Variants in CDH23 observed in about 807,000 individuals in gnomAD.
CDH23 encodes cadherin-23.
Under a neutral mutation model 317.1 loss-of-function variants are expected in CDH23, and 189 were observed. The ratio of observed to expected loss-of-function variants is 0.60; its 90% CI spans 0.53 to 0.67. CDH23 has a LOEUF of 0.67. Among genes scored for constraint, CDH23 ranks in the 30% least tolerant of loss-of-function variants. CDH23 has a pLI of 0.00. For missense variants in CDH23, 4,401 were observed against 4,592.4 expected (o/e 0.96, Z 1.20); for synonymous variants, 1,839 against 1,876.8 (o/e 0.98, Z 0.52).
rs1865606916 is a variant in CDH23 at position 71,702,019 on chromosome 10, C to T, written c.2398-3C>T. The T allele has an allele frequency of 6.2e-7, 1 of 1,613,462 alleles. No homozygotes were observed. The highest frequency in any genetic ancestry group is 8.5e-7 in the Non-Finnish European group (1 of 1,179,822). On this transcript the variant is annotated splice_region_variant and splice_polypyrimidine_tract_variant and intron_variant, in intron 22 of 69. Coordinates refer to ENST00000224721, the MANE Select transcript of CDH23 (RefSeq NM_022124.6). The stretch of plus-strand genomic sequence containing the variant: ...GTGAAGGGGTCTGCTCCCTCCCGGG[C>T]AGGTGGTGGCTGTTGACCCAGACCT...
At chr10:71,566,248 C>G (rs574043995) in intron 6 of CDH23, among the ~76,000 whole-genome samples, 4 of 152,252 alleles carry the variant, frequency 2.6e-5, no homozygotes, top group African/African-American at 9.6e-5. Flanking sequence ...TCCACAAACC[C>G]AGGAAGAACC....
chr10:71,728,133 G>A (rs1866897343), intron 30 of CDH23, among the ~76,000 whole-genome samples: 1 of 152,120 alleles, frequency 6.6e-6, no homozygotes, highest in Non-Finnish European at 1.5e-5. Context: ...TTTTGCAAGA[G>A]GAGTGGTTAG....
chr10:71,741,065 T>C (rs1269614266), intron 37 of CDH23, 115 bp downstream of exon 37: 7 of 1,231,160 alleles, frequency 5.7e-6, no homozygotes, highest in African/African-American at 4.5e-5. Context: ...TCAGATCTCA[T>C]GGATGGGAAC....
Position 71,803,270 on chromosome 10 carries a change from C to A in CDH23, c.7722C>A (p.Tyr2574Ter). The change falls in exon 55 of 70, where the codon TAC becomes TAA. Residue 2574 changes from tyrosine to a stop codon, truncating the protein, a stop_gained. Coordinates refer to ENST00000224721, the MANE Select transcript of CDH23 (RefSeq NM_022124.6). LOFTEE classifies it high-confidence loss of function. ...CCACACAGCGGCCACTGCAGTCCTA[C>A]GAGAAGTTCAGTCTGACCGTGGTGG... ...LVTTQRPLQS[Y>*]EKFSLTVVAT... is the part of the protein sequence containing the mutation. 6.3e-7 allele frequency: 1 copy of A among 1,593,290 alleles called. No individual in the cohort carries two copies. The highest frequency in any genetic ancestry group is 8.6e-7 in the Non-Finnish European group (1 of 1,169,408).
At chr10:71,515,394 T>TCTCTCACACA (rs1491490493) in intron 6 of CDH23, among the ~76,000 whole-genome samples, 15 of 26,700 alleles carry the variant, frequency 5.6e-4, no homozygotes, top group African/African-American at 1.2e-3. Context: ...TCTCTCTCTC[T>TCTCTCACACA]CACACACACA....
chr10:71,504,498 G>A (rs1472550135), intron 3 of CDH23, among the ~76,000 whole-genome samples: 1 of 152,170 alleles, frequency 6.6e-6, no homozygotes, highest in African/African-American at 2.4e-5. Flanking sequence ...CTTGGCTATT[G>A]CAAAGAATGC....
intron 3 of CDH23, among the ~76,000 whole-genome samples, chr10:71,502,552 G>A (rs1853395832): frequency 6.6e-6 from 1 of 152,214 alleles, no homozygotes; most frequent in African/African-American, 2.4e-5. Flanking sequence ...ATGGCCTCTT[G>A]CCTGCTGTGC....
chr10:71,590,221 C>A (rs1173017149), intron 9 of CDH23, among the ~76,000 whole-genome samples: 1 of 152,212 alleles, frequency 6.6e-6, no homozygotes, highest in African/African-American at 2.4e-5. Context: ...GACCAATATC[C>A]TGGAAACAGA....
At chr10:71,403,405 T>C (rs71507047) in intron 1 of CDH23, among the ~76,000 whole-genome samples, 4 of 73,944 alleles carry the variant, frequency 5.4e-5, no homozygotes, top group East Asian at 4.3e-4. Context: ...CTTTCTTTCT[T>C]TCTCTTCCTT....
At position 71,519,837 on chromosome 10, in the gene CDH23, G is replaced by A. The variant is rs191238771; in HGVS notation, c.429+8625G>A. 1.4e-3 allele frequency among the ~76,000 whole-genome samples: 215 copies of A among 150,084 alleles called. 1 individual carries two copies. Among genetic ancestry groups the A allele is most frequent in the Non-Finnish European group, 2.2e-3 (148 of 67,676 alleles). The stretch of plus-strand genomic sequence containing the variant: ...CTCACTCTGTCACCCAGGCTGGAGT[G>A]CAGTGGCATGGTGTGATCACAGCTC... On this transcript the variant is annotated intron_variant, in intron 6 of 69. Transcript: ENST00000224721.
At chr10:71,461,040 G>T (rs1850954890) in intron 3 of CDH23, among the ~76,000 whole-genome samples, 1 of 152,214 alleles carries the variant, frequency 6.6e-6, no homozygotes. Flanking sequence ...ACACACAGAG[G>T]CATGAGGCCA....
At chr10:71,796,795 G>T (rs969566505) in intron 48 of CDH23, 11 of 292,804 alleles carry the variant, frequency 3.8e-5, no homozygotes, top group African/African-American at 1.5e-4. Context: ...AAATAGTAGG[G>T]TATTGAGAAA....
intron 47 of CDH23, among the ~76,000 whole-genome samples, chr10:71,791,870 C>G (rs554089501): frequency 6.6e-6 from 1 of 152,328 alleles, no homozygotes; most frequent in African/African-American, 2.4e-5. Flanking sequence ...GCCACCACGC[C>G]TGGCCTACAA....
chr10:71,518,262 G>A (rs1292879294), intron 6 of CDH23, among the ~76,000 whole-genome samples: 1 of 152,184 alleles, frequency 6.6e-6, no homozygotes, highest in African/African-American at 2.4e-5. Context: ...AGATAGACCT[G>A]CAGCATGTTC....
chr10:71,601,989 G>T lies in CDH23; in HGVS notation c.833-13515G>T, dbSNP rs1040088648. Among the ~76,000 whole-genome samples the T allele has an allele frequency of 2.0e-5, 3 of 152,130 alleles. No individual in the cohort carries two copies. In the East Asian group the frequency reaches 5.8e-4, roughly 30 times the overall value. ...GGGGGGGGCTCTGCAGCCCCCAGGG[G>T]ACCCCTCAAGGTCGGTCATTCGGGC... On this transcript the variant is annotated intron_variant, in intron 9 of 69. Transcript: ENST00000224721.
At chr10:71,532,711 G>GTTTTTTTTT (rs531593760) in intron 6 of CDH23, among the ~76,000 whole-genome samples, 3 of 128,096 alleles carry the variant, frequency 2.3e-5, no homozygotes, top group Non-Finnish European at 5.3e-5. Context: ...TTTTGTTTTT[G>GTTTTTTTTT]TTTTTTTTTT....
At chr10:71,731,720 C>T (rs531247980) in intron 31 of CDH23, among the ~76,000 whole-genome samples, 168 of 152,274 alleles carry the variant, frequency 1.1e-3, no homozygotes, top group African/African-American at 3.8e-3. Context: ...TTTGAGGCTC[C>T]AGGAGCAGAC....
chr10:71,569,453 G>C lies in CDH23; in HGVS notation c.625-1337G>C, dbSNP rs16929061. ...TCAAATCTTAGCTCAGAGAATGTTC[G>C]AGCCTGAGGGGCCTTAGAAGTCATT... is the stretch of plus-strand genomic sequence containing the variant. On this transcript the variant is annotated intron_variant, in intron 7 of 69. Transcript: ENST00000224721. Among the ~76,000 whole-genome samples, 230 of 152,300 alleles carry C rather than the reference G, an allele frequency of 1.5e-3. 1 individual carries two copies. Among genetic ancestry groups the C allele is most frequent in the Admixed American group, 2.7e-3 (42 of 15,312 alleles).
At chr10:71,622,758 C>A (rs561104917) in intron 11 of CDH23, among the ~76,000 whole-genome samples, 2 of 152,300 alleles carry the variant, frequency 1.3e-5, no homozygotes, top group South Asian at 4.1e-4. Context: ...TCACTCCTGA[C>A]CCCCAGCTTC....
Sources: gnomAD v4.1 joint callset for allele counts (sites outside exome capture counted in the v4.1 genomes callset) on GRCh38, gnomAD v4.1.1 for gene constraint, MANE v1.5 for transcripts, NCBI Gene and HGNC (gene_info 2026-07-23, HGNC 2026-07-21) for gene names.